VPS26A: variants seen among roughly 807,000 people sequenced by gnomAD.
The protein encoded by VPS26A is vacuolar protein sorting-associated protein 26A.
VPS26A carries 22 observed loss-of-function variants against 42.4 expected under a neutral mutation model. The observed-to-expected ratio is 0.52, with a 90% CI of 0.37 to 0.74. VPS26A has a LOEUF of 0.74. Among genes scored for constraint, VPS26A ranks in the 30% least tolerant of loss-of-function variants. VPS26A has a pLI of 0.00. For synonymous variants in VPS26A, 110 were observed against 123.5 expected, an observed-to-expected ratio of 0.89 and a Z score of 0.73; for missense variants, 276 against 379.2, an observed-to-expected ratio of 0.73 and a Z score of 2.26.
chr10:69,166,619 C>T (rs1212942354), intron 7 of VPS26A, among the ~76,000 whole-genome samples: 1 of 152,118 alleles, frequency 6.6e-6, no homozygotes, highest in African/African-American at 2.4e-5. Context: ...AAAGCCAGTA[C>T]CATTTATTAA....
In VPS26A at chr10:69,132,865, A is replaced by C. The variant is rs564031611; in HGVS notation, c.4-33A>C. On this transcript the variant is annotated intron_variant, in intron 1 of 8. Transcript: ENST00000263559. ...TATAAAATGTAGTGACTGACTAAAC[A>C]TGATAATTATGACCATTTTCATTTT... The C allele has an allele frequency of 1.9e-6, 3 of 1,558,814 alleles. No homozygotes were observed. In the East Asian group the frequency reaches 6.9e-5, roughly 36 times the overall value.
intron 6 of VPS26A, among the ~76,000 whole-genome samples, chr10:69,163,943 ATTTT>A (rs1841622340): frequency 6.7e-6 from 1 of 149,820 alleles, no homozygotes; most frequent in Admixed American, 6.7e-5. Context: ...TTTTTTTTGT[ATTTT>A]TAGTAGAGAC....
At chr10:69,138,349 G>A (rs1022045619) in intron 2 of VPS26A, among the ~76,000 whole-genome samples, 1 of 152,164 alleles carries the variant, frequency 6.6e-6, no homozygotes. Context: ...GCAGTTTTGT[G>A]TGGACCTATA....
At position 69,174,068 on chromosome 10, in the gene VPS26A, C is replaced by T. The variant is rs1337587318; in HGVS notation, c.*2799C>T. Among the ~76,000 whole-genome samples, 2 of 152,300 alleles carry T rather than the reference C, an allele frequency of 1.3e-5. No homozygotes were observed. The highest frequency in any genetic ancestry group is 2.4e-5 in the African/African-American group (1 of 41,576). On this transcript the variant is annotated 3_prime_UTR_variant, in exon 9 of 9. Coordinates refer to ENST00000263559, the MANE Select transcript of VPS26A (RefSeq NM_004896.5). ...ATAAGAGAATAAAAGCTGGCCACCCCCCAGCCAGCAGCGGCAACCGGCTCG... is the reference window on the plus strand; with the variant it reads ...ATAAGAGAATAAAAGCTGGCCACCCTCCAGCCAGCAGCGGCAACCGGCTCG...
intron 2 of VPS26A, among the ~76,000 whole-genome samples, chr10:69,134,288 C>G (rs772558279): frequency 3.3e-5 from 5 of 152,054 alleles, no homozygotes; most frequent in Non-Finnish European, 7.4e-5. Context: ...ACTTTTTCCT[C>G]TATTGTTTGA....
In VPS26A at chr10:69,149,727, GTTTTTTGTTTTTTTT is replaced by G. The variant is rs1196988086; in HGVS notation, c.154-6078_154-6064del. Among the ~76,000 whole-genome samples the G allele has an allele frequency of 3.0e-4, 28 of 93,946 alleles. 1 individual carries two copies. Among genetic ancestry groups the G allele is most frequent in the Middle Eastern group, 5.0e-3 (1 of 200 alleles). 61.6% of individuals were successfully genotyped at this position (93,946 alleles called of 152,430 possible). A position where few individuals can be genotyped will look rare whatever the true frequency, so the allele number is the denominator to read the frequency against. On this transcript the variant is annotated intron_variant, in intron 2 of 8. Coordinates refer to ENST00000263559, the MANE Select transcript of VPS26A (RefSeq NM_004896.5). ...ACCATGGAATGTTAACTTTCTTGGT[GTTTTTTGTTTTTTTT>G]TTTTTTTTTTTTTTTTTTTTTTGAG... is the stretch of plus-strand genomic sequence containing the variant.
At chr10:69,124,332 G>A in intron 1 of VPS26A, 52 bp downstream of exon 1, 1 of 1,234,926 alleles carries the variant, frequency 8.1e-7, no homozygotes, top group Non-Finnish European at 1.0e-6. Flanking sequence ...CCCGGAGCGC[G>A]CGGCGGGCCG....
chr10:69,137,288 A>G (rs1026848919), intron 2 of VPS26A, among the ~76,000 whole-genome samples: 2 of 152,204 alleles, frequency 1.3e-5, no homozygotes, highest in East Asian at 3.8e-4. Context: ...TAACAAATTT[A>G]TGTCTTAGGA....
rs915666301 is a variant in VPS26A, at chr10:69,153,070, G to A, written c.154-2742G>A. ...TGTTTTTTTTTTTTTCGGTTGGCGG[G>A]TACAGGGGGAGATAGAGTCTTGCTC... On this transcript the variant is annotated intron_variant, in intron 2 of 8. Coordinates refer to ENST00000263559, the MANE Select transcript of VPS26A (RefSeq NM_004896.5). 2.3e-4 allele frequency among the ~76,000 whole-genome samples: 35 copies of A among 150,824 alleles called. 2 individuals are homozygous for A. The highest frequency in any genetic ancestry group is 8.0e-4 in the African/African-American group (33 of 41,122).
chr10:69,138,027 T>G (rs972636859), intron 2 of VPS26A, among the ~76,000 whole-genome samples: 4 of 152,120 alleles, frequency 2.6e-5, no homozygotes, highest in African/African-American at 9.7e-5. Flanking sequence ...ATTCTCCATT[T>G]CCCCTCCTTC....
At chr10:69,134,256 G>A (rs552222516) in intron 2 of VPS26A, among the ~76,000 whole-genome samples, 3 of 152,072 alleles carry the variant, frequency 2.0e-5, no homozygotes, top group African/African-American at 7.2e-5. Context: ...TGATATTTAT[G>A]TATATGTAAT....
intron 1 of VPS26A, among the ~76,000 whole-genome samples, chr10:69,126,063 CAA>C (rs1564670075): frequency 1.3e-5 from 2 of 152,140 alleles, no homozygotes; most frequent in African/African-American, 2.4e-5. Flanking sequence ...TTTAAAAGCT[CAA>C]GAGTTTTAAC....
chr10:69,153,113 T>C (rs1045984425), intron 2 of VPS26A, among the ~76,000 whole-genome samples: 1 of 149,436 alleles, frequency 6.7e-6, no homozygotes, highest in African/African-American at 2.5e-5. Context: ...CAGGCTGGAG[T>C]GCAGTGGTTC....
At position 69,133,317 on chromosome 10, in the gene VPS26A, T is replaced by A. The variant is rs538872720; in HGVS notation, c.153+270T>A. On this transcript the variant is annotated intron_variant, in intron 2 of 8. Coordinates refer to ENST00000263559, the MANE Select transcript of VPS26A (RefSeq NM_004896.5). ...CCTGTGTGGTTCATGAAAAAAAAAA[T>A]ATTTTTTTTTTCTGTTTGTGATTAT... is the stretch of plus-strand genomic sequence containing the variant. 7.9e-5 allele frequency among the ~76,000 whole-genome samples: 12 copies of A among 151,906 alleles called. No individual in the cohort carries two copies. The East Asian group carries it at 1.5e-3, about 20-fold the overall frequency.
At chr10:69,136,909 A>G (rs1404243193) in intron 2 of VPS26A, among the ~76,000 whole-genome samples, 1 of 151,990 alleles carries the variant, frequency 6.6e-6, no homozygotes, top group Non-Finnish European at 1.5e-5. Flanking sequence ...CTCCTGCCTC[A>G]GCCTCCCGAG....
chr10:69,155,270 T>C (rs1841408740), intron 2 of VPS26A, among the ~76,000 whole-genome samples: 1 of 152,192 alleles, frequency 6.6e-6, no homozygotes, highest in African/African-American at 2.4e-5. Context: ...TATAATAATA[T>C]ATTGGTTACA....
chr10:69,149,772 A>G (rs1269487146), intron 2 of VPS26A, among the ~76,000 whole-genome samples: 15 of 98,738 alleles, frequency 1.5e-4, no homozygotes, highest in African/African-American at 3.5e-4. Context: ...TTTGAGATGG[A>G]GTCTTCGTCT....
chr10:69,152,035 A>G lies in VPS26A; in HGVS notation c.154-3777A>G, dbSNP rs112375033. On this transcript the variant is annotated intron_variant, in intron 2 of 8. Coordinates refer to ENST00000263559, the MANE Select transcript of VPS26A (RefSeq NM_004896.5). ...TTTTTTTTAAAGAGGCCTGGGCAAC[A>G]TAGTAAGACCCTGTATAAAAAAAAT... Among the ~76,000 whole-genome samples the G allele has an allele frequency of 3.9e-4, 59 of 152,130 alleles. 3 individuals carry two copies. Among genetic ancestry groups the G allele is most frequent in the African/African-American group, 1.3e-3 (55 of 41,484 alleles).
At chr10:69,153,265 G>A (rs1203549097) in intron 2 of VPS26A, among the ~76,000 whole-genome samples, 1 of 151,928 alleles carries the variant, frequency 6.6e-6, no homozygotes, top group East Asian at 1.9e-4. Context: ...GGCCAGGCTG[G>A]TCTGGAACTC....
Sources: gnomAD v4.1 joint callset for allele counts (sites outside exome capture counted in the v4.1 genomes callset) on GRCh38, gnomAD v4.1.1 for gene constraint, MANE v1.5 for transcripts, NCBI Gene and HGNC (gene_info 2026-07-23, HGNC 2026-07-21) for gene names.